TMEM39B: variants seen among roughly 807,000 people sequenced by gnomAD.
The protein encoded by TMEM39B is transmembrane protein 39B.
In TMEM39B, 23 loss-of-function variants were observed where a neutral mutation model predicts 52.2. That is an observed-to-expected ratio of 0.44 (90% CI 0.32 to 0.62). TMEM39B has a LOEUF of 0.62. Ranked by LOEUF, TMEM39B falls within the 20% of genes least tolerant of loss-of-function variation. The probability of loss-of-function intolerance (pLI) is 0.06; values close to 1 mark genes in which losing one functional copy is unlikely to be tolerated. For synonymous variants in TMEM39B, 285 were observed against 264.0 expected (o/e 1.08, Z -0.77); for missense variants, 547 against 642.0 (o/e 0.85, Z 1.60).
At chr1:32,075,970 G>A in intron 3 of TMEM39B, 148 bp downstream of exon 3, 1 of 583,458 alleles carries the variant, frequency 1.7e-6, no homozygotes, top group Non-Finnish European at 3.0e-6. Flanking sequence ...GGTGCTGAAG[G>A]AACAGGAAAC....
At chr1:32,081,958 A>G (rs950395380) in intron 5 of TMEM39B, among the ~76,000 whole-genome samples, 6 of 152,138 alleles carry the variant, frequency 3.9e-5, no homozygotes, top group Admixed American at 3.9e-4. Context: ...CAAACATACC[A>G]CATACACACA....
intron 5 of TMEM39B, among the ~76,000 whole-genome samples, chr1:32,083,195 C>T (rs1640187899): frequency 6.7e-6 from 1 of 149,098 alleles, no homozygotes; most frequent in South Asian, 2.2e-4. Context: ...AGTGATTCTC[C>T]TCCCTCAGCT....
chr1:32,085,807 A>G (rs937112167), intron 5 of TMEM39B, among the ~76,000 whole-genome samples: 5 of 151,768 alleles, frequency 3.3e-5, no homozygotes, highest in Admixed American at 1.3e-4. Context: ...ACTGGGGTCA[A>G]TTTTTCTGTT....
intron 7 of TMEM39B, among the ~76,000 whole-genome samples, chr1:32,097,260 C>A (rs1397647828): frequency 6.6e-6 from 1 of 151,954 alleles, no homozygotes; most frequent in East Asian, 1.9e-4. Context: ...AACTACCTTT[C>A]TGTTTTCTTT....
At chr1:32,092,224 A>G (rs2124481209) in intron 6 of TMEM39B, among the ~76,000 whole-genome samples, 1 of 152,128 alleles carries the variant, frequency 6.6e-6, no homozygotes, top group Admixed American at 6.5e-5. Flanking sequence ...TGGCACAATC[A>G]TGGGTCACTG....
chr1:32,075,167 T>A lies in TMEM39B; in HGVS notation c.131+90T>A, dbSNP rs1245740549. The stretch of plus-strand genomic sequence containing the variant: ...TCTGACTGGATTCTAAGATGTGAAA[T>A]CCTAGATGCCAGTGGGGGCTTAGAG... On this transcript the variant is annotated intron_variant, in intron 2 of 8. Transcript: ENST00000336294. 9.6e-6 allele frequency: 14 copies of A among 1,461,772 alleles called. No individual in the cohort carries two copies. The East Asian group carries it at 2.5e-4, about 26-fold the overall frequency. 90.6% of individuals were successfully genotyped at this position (1,461,772 alleles called of 1,614,324 possible).
At chr1:32,076,107 T>C (rs1639849839) in intron 3 of TMEM39B, 1 of 172,836 alleles carries the variant, frequency 5.8e-6, no homozygotes, top group Non-Finnish European at 1.1e-5. Flanking sequence ...TTTCTTCTTT[T>C]TTTTTTTTTT....
At chr1:32,088,753 CAAAGCCAGCG>C (rs1640483581) in intron 5 of TMEM39B, among the ~76,000 whole-genome samples, 2 of 152,124 alleles carry the variant, frequency 1.3e-5, no homozygotes, top group Non-Finnish European at 2.9e-5. Flanking sequence ...TTCTTAGAGA[CAAAGCCAGCG>C]AGATTCTTTA....
upstream of TMEM39B, chr1:32,072,918 G>A: frequency 7.9e-6 from 10 of 1,261,756 alleles, no homozygotes; most frequent in South Asian, 5.7e-5. Context: ...AAATGTAGCG[G>A]CGCGGCGGGA....
At chr1:32,075,545 G>A (rs1639817954) in intron 2 of TMEM39B, 58 bp from the exon 3 acceptor site, 6 of 1,504,294 alleles carry the variant, frequency 4.0e-6, no homozygotes, top group Non-Finnish European at 5.4e-6. Flanking sequence ...TGCCTCAGAA[G>A]CCCTTCCTGG....
At position 32,072,948 on chromosome 1, in the gene TMEM39B, G is replaced by A; in HGVS notation, c.-100G>A. ...GCGGGAGCGCGCGGCTGATACCCGG[G>A]ACTGGGCTGCGGCGGTTAGTCCTCT... On this transcript the variant is annotated 5_prime_UTR_variant, in exon 1 of 9. Coordinates refer to ENST00000336294, the MANE Select transcript of TMEM39B (RefSeq NM_018056.4). 6.8e-7 allele frequency: 1 copy of A among 1,461,054 alleles called. No individual in the cohort carries two copies. Among genetic ancestry groups the A allele is most frequent in the Non-Finnish European group, 9.2e-7 (1 of 1,087,332 alleles). 90.5% of individuals were successfully genotyped at this position (1,461,054 alleles called of 1,614,324 possible).
chr1:32,095,079 C>A, intron 7 of TMEM39B, 108 bp downstream of exon 7: 3 of 1,315,760 alleles, frequency 2.3e-6, no homozygotes, highest in South Asian at 1.4e-5. Flanking sequence ...AGTTATTGAG[C>A]GTGTCTTGTA....
rs993343861 is a variant in TMEM39B at position 32,102,590 on chromosome 1, C to T, written c.1396C>T (p.Leu466=). 3 of 1,614,070 alleles carry T rather than the reference C, an allele frequency of 1.9e-6. No individual in the cohort carries two copies. The highest frequency in any genetic ancestry group is 2.5e-6 in the Non-Finnish European group (3 of 1,179,990). The change falls in exon 9 of 9, where the codon CTG becomes TTG. Residue 466 remains leucine (L), a synonymous_variant. Transcript: ENST00000336294. Reference sequence around the variant, plus strand: ...CAGCAACTACTATGCCTTCTTCAAGCTGCTCCGGGACCGCTTGGTATTGGG... The same window carrying T: ...CAGCAACTACTATGCCTTCTTCAAGTTGCTCCGGGACCGCTTGGTATTGGG... ...LFSNYYAFFK[L]LRDRLVLGKA... is the part of the protein sequence containing the mutation.
chr1:32,094,986 C>A lies in TMEM39B; in HGVS notation c.1115+15C>A, dbSNP rs778617346. ...CTGCAGCACCCGTGAGTCACCCTAC[C>A]CTGCTCAACCCAATCCCAGCCCTTC... On this transcript the variant is annotated intron_variant, in intron 7 of 8. Transcript: ENST00000336294. 1 of 1,610,612 alleles carries A rather than the reference C, an allele frequency of 6.2e-7. No individual in the cohort carries two copies. The highest frequency in any genetic ancestry group is 1.7e-5 in the Admixed American group (1 of 59,972).
chr1:32,076,552 T>C (rs571170643), intron 3 of TMEM39B: 8 of 689,052 alleles, frequency 1.2e-5, no homozygotes, highest in Non-Finnish European at 2.1e-5. Flanking sequence ...CATACCACTC[T>C]CTTATCCCCA....
At chr1:32,096,859 C>T (rs1017472449) in intron 7 of TMEM39B, among the ~76,000 whole-genome samples, 4 of 151,556 alleles carry the variant, frequency 2.6e-5, no homozygotes, top group African/African-American at 7.3e-5. Context: ...GGCTGGAGTG[C>T]AGTGGTGCAA....
At chr1:32,072,375 GTAAAGCA>G (rs1447601648), upstream of TMEM39B, 1 of 152,202 alleles carries the variant, frequency 6.6e-6, no homozygotes, top group African/African-American at 2.4e-5. Context: ...CAGCCTCATC[GTAAAGCA>G]TAAAAAAACA....
intron 5 of TMEM39B, among the ~76,000 whole-genome samples, chr1:32,081,365 A>G (rs1206374681): frequency 6.6e-6 from 1 of 151,668 alleles, no homozygotes; most frequent in Admixed American, 6.6e-5. Flanking sequence ...TCTGCCTCCC[A>G]GGCTCAAGCC....
rs116303876 is a variant in TMEM39B at position 32,073,744 on chromosome 1, G to A, written c.4+693G>A. 1,249 of 985,298 alleles carry A rather than the reference G, an allele frequency of 1.3e-3. 12 individuals are homozygous for A. The African/African-American group carries it at 0.021, about 16-fold the overall frequency. The allele number at this position is 985,298 out of a possible 1,614,324, so 61.0% of individuals were successfully genotyped here. Reference sequence around the variant, plus strand: ...TTCGCCAGGTACTTTTTAGAGACTTGTGGAGGTTTATAATTTTGGGCATAC... The same window carrying A: ...TTCGCCAGGTACTTTTTAGAGACTTATGGAGGTTTATAATTTTGGGCATAC... On this transcript the variant is annotated intron_variant, in intron 1 of 8. Coordinates refer to ENST00000336294, the MANE Select transcript of TMEM39B (RefSeq NM_018056.4).
Sources: allele counts gnomAD v4.1 joint callset (sites outside exome capture counted in the v4.1 genomes callset), GRCh38; gene constraint gnomAD v4.1.1; transcripts MANE v1.5; gene names NCBI Gene and HGNC (gene_info 2026-07-23, HGNC 2026-07-21).